RELCH: variants seen among roughly 807,000 people sequenced by gnomAD.
RELCH encodes RAB11-binding protein RELCH.
Under a neutral mutation model 150.3 loss-of-function variants are expected in RELCH, and 41 were observed. The ratio of observed to expected loss-of-function variants is 0.27; its 90% CI spans 0.21 to 0.35. The LOEUF (loss-of-function observed/expected upper bound fraction) is 0.35. Among genes scored for constraint, RELCH ranks in the 10% least tolerant of loss-of-function variants. RELCH has a pLI of 1.00. For synonymous variants in RELCH, 478 were observed against 531.8 expected (o/e 0.90, Z 1.39); for missense variants, 1,092 against 1,467.8 (o/e 0.74, Z 4.18).
intron 11 of RELCH, among the ~76,000 whole-genome samples, chr18:62,245,460 C>T (rs991106293): frequency 6.6e-6 from 1 of 152,032 alleles, no homozygotes; most frequent in African/African-American, 2.4e-5. Flanking sequence ...TCTATCTCTT[C>T]TAAAAATACG....
intron 24 of RELCH, among the ~76,000 whole-genome samples, chr18:62,281,188 A>C: frequency 6.6e-6 from 1 of 152,208 alleles, no homozygotes; most frequent in Non-Finnish European, 1.5e-5. Flanking sequence ...GTTTTGAATA[A>C]TCCTTCAAAT....
chr18:62,236,383 G>A (rs1825824227), intron 10 of RELCH, among the ~76,000 whole-genome samples: 2 of 151,646 alleles, frequency 1.3e-5, no homozygotes, highest in South Asian at 4.2e-4. Flanking sequence ...GTATTTTTTT[G>A]TCTATATTCA....
At chr18:62,244,946 G>T in intron 11 of RELCH, 70 bp downstream of exon 11, 1 of 1,019,572 alleles carries the variant, frequency 9.8e-7, no homozygotes, top group South Asian at 1.3e-5. Context: ...TAGGCATCAG[G>T]ATTAGCATTT....
At chr18:62,189,747 A>G (rs1599746304) in intron 1 of RELCH, among the ~76,000 whole-genome samples, 1 of 152,346 alleles carries the variant, frequency 6.6e-6, no homozygotes. Context: ...TGAAAGAATT[A>G]TAATTGAGCT....
At chr18:62,283,294 A>G (rs145716971) in intron 25 of RELCH, among the ~76,000 whole-genome samples, 2 of 151,992 alleles carry the variant, frequency 1.3e-5, no homozygotes, top group South Asian at 2.1e-4. Context: ...GATTTTACAG[A>G]GTCTCTTTTA....
In RELCH at chr18:62,233,616, A is replaced by G. The variant is rs539494910; in HGVS notation, c.1620+1189A>G. Among the ~76,000 whole-genome samples the G allele has an allele frequency of 3.3e-5, 5 of 152,150 alleles. No homozygotes were observed. The East Asian group carries it at 9.7e-4, about 29-fold the overall frequency. ...GTATGGAAAGTCTTATATGTCTTGA[A>G]GGATCAGTGTCCAATTTCAGATTGT... On this transcript the variant is annotated intron_variant, in intron 10 of 28. Transcript: ENST00000644646.
chr18:62,208,077 C>T (rs9967295), intron 1 of RELCH, among the ~76,000 whole-genome samples: 15,258 of 152,204 alleles, frequency 0.1, 901 homozygotes, highest in East Asian at 0.19. Context: ...TCTTTTACTA[C>T]AACCATCTAG....
At chr18:62,224,265 AG>A (rs2041072423) in intron 5 of RELCH, among the ~76,000 whole-genome samples, 1 of 152,032 alleles carries the variant, frequency 6.6e-6, no homozygotes, top group Non-Finnish European at 1.5e-5. Context: ...GATGGTTTCC[AG>A]CTTCATCCAT....
intron 2 of RELCH, among the ~76,000 whole-genome samples, chr18:62,216,972 G>A (rs2040513621): frequency 2.6e-5 from 4 of 151,918 alleles, no homozygotes. Context: ...ATTTAAAATA[G>A]GATAGGTGCT....
Position 62,221,272 on chromosome 18 carries a change from C to A in RELCH, c.742C>A (p.Gln248Lys). 2 of 1,607,704 alleles carry A rather than the reference C, an allele frequency of 1.2e-6. No homozygotes were observed. Among genetic ancestry groups the A allele is most frequent in the Admixed American group, 1.7e-5 (1 of 59,806 alleles). Residue 248 changes from glutamine (Q) to lysine (K), a missense_variant and splice_region_variant, in exon 4 of 29, where the codon CAG becomes AAG. Gln to Lys is a moderately conservative substitution (Grantham distance 53, BLOSUM62 1). Transcript: ENST00000644646. ...AAATTACAAATCAAGTCCTGAAATT[C>A]AGGTGGGTGACAGAAGACAAATGTA... ...RKNYKSSPEI[Q>K]EPIKPLEKRA...
In RELCH at chr18:62,187,618, T is replaced by A. The variant is rs752596882; in HGVS notation, c.113T>A (p.Val38Glu). The A allele has an allele frequency of 6.5e-7, 1 of 1,536,878 alleles. No individual in the cohort carries two copies. The highest frequency in any genetic ancestry group is 8.8e-7 in the Non-Finnish European group (1 of 1,140,312). ...GCTGCAACAGAGGAACGGCGGGCAG[T>A]ACTTCGGCTGGGCGCCGGAAGTGGC... is the stretch of plus-strand genomic sequence containing the variant. ...EVAATEERRAVLRLGAGSGLD... is the reference protein window; with the variant it reads ...EVAATEERRAELRLGAGSGLD... The change falls in exon 1 of 29, where the codon GTA (valine) becomes GAA (glutamate). Residue 38 changes from valine (V) to glutamate (E), a missense_variant. Physicochemically the swap from Val to Glu is moderately radical, Grantham distance 121. Coordinates refer to ENST00000644646, the MANE Select transcript of RELCH (RefSeq NM_001346231.2).
At position 62,216,230 on chromosome 18, in the gene RELCH, A is replaced by G. The variant is rs73456680; in HGVS notation, c.617-4807A>G. The stretch of plus-strand genomic sequence containing the variant: ...GTTAGGTACTATGTGTTAGGTTTCT[A>G]TGTAGACATACAAGATAGATAACGT... On this transcript the variant is annotated intron_variant, in intron 2 of 28. Transcript: ENST00000644646. Among the ~76,000 whole-genome samples, 21 of 152,204 alleles carry G rather than the reference A, an allele frequency of 1.4e-4. No individual in the cohort carries two copies. The South Asian group carries it at 3.3e-3, about 24-fold the overall frequency.
chr18:62,264,786 C>T lies in RELCH; in HGVS notation c.2565C>T (p.Val855=). Residue 855 remains valine, a synonymous_variant, in exon 18 of 29, where the codon GTC becomes GTT. Transcript: ENST00000644646. ...GKINVTSTAC[V]HEFSRFFWRL... is the part of the protein sequence containing the mutation. ...TTAATGTTACTTCAACTGCCTGTGT[C>T]CATGAATTCTCCAGATTTTTCTGGC... 4.4e-6 allele frequency: 7 copies of T among 1,608,512 alleles called. No homozygotes were observed. Among genetic ancestry groups the T allele is most frequent in the Non-Finnish European group, 5.1e-6 (6 of 1,176,492 alleles).
chr18:62,241,046 C>A (rs934031437), intron 10 of RELCH, among the ~76,000 whole-genome samples: 3 of 152,090 alleles, frequency 2.0e-5, no homozygotes, highest in African/African-American at 7.2e-5. Flanking sequence ...CACCAGACAC[C>A]TCAGCTAATA....
intron 1 of RELCH, among the ~76,000 whole-genome samples, chr18:62,190,382 G>C (rs1011301053): frequency 6.6e-6 from 1 of 152,090 alleles, no homozygotes; most frequent in Non-Finnish European, 1.5e-5. Flanking sequence ...TTCGAGACCA[G>C]CCTGGCCAAC....
At chr18:62,252,813 CAT>C (rs766737220) in intron 12 of RELCH, 59 bp downstream of exon 12, 35 of 1,267,908 alleles carry the variant, frequency 2.8e-5, no homozygotes, top group South Asian at 1.9e-4. Flanking sequence ...TAAGAAGATA[CAT>C]AGTTTCCTTT....
chr18:62,262,184 G>A (rs1310752840), intron 16 of RELCH, among the ~76,000 whole-genome samples: 2 of 152,042 alleles, frequency 1.3e-5, no homozygotes, highest in Admixed American at 6.6e-5. Flanking sequence ...CTTACTTTCA[G>A]AAGTACATAA....
chr18:62,274,074 T>A lies in RELCH; in HGVS notation c.2855T>A (p.Phe952Tyr), dbSNP rs1342395652. Residue 952 changes from phenylalanine (F) to tyrosine (Y), a missense_variant, in exon 21 of 29, where the codon TTT becomes TAT. Phe to Tyr is a conservative substitution (Grantham distance 22). Coordinates refer to ENST00000644646, the MANE Select transcript of RELCH (RefSeq NM_001346231.2). Reference protein sequence around the residue: ...HAPLDSLKASFVELGANPAYH... With the variant: ...HAPLDSLKASYVELGANPAYH... ...CCTCTTGATAGCCTGAAGGCTTCTT[T>A]TGTGGAATTGGGGTAAGAAATAACA... 6.2e-7 allele frequency: 1 copy of A among 1,607,762 alleles called. No individual in the cohort carries two copies. Among genetic ancestry groups the A allele is most frequent in the South Asian group, 1.1e-5 (1 of 90,864 alleles).
intron 1 of RELCH, among the ~76,000 whole-genome samples, chr18:62,195,325 TTTTG>T (rs1417514831): frequency 2.7e-5 from 4 of 148,504 alleles, no homozygotes; most frequent in African/African-American, 9.9e-5. Context: ...TACACTGTAT[TTTTG>T]CCAGGTGAGC....
Sources: gnomAD v4.1 joint callset for allele counts (sites outside exome capture counted in the v4.1 genomes callset) on GRCh38, gnomAD v4.1.1 for gene constraint, MANE v1.5 for transcripts, NCBI Gene and HGNC (gene_info 2026-07-23, HGNC 2026-07-21) for gene names.